Variants in PDLIM5 observed in about 807,000 individuals in gnomAD.
The protein encoded by PDLIM5 is PDZ and LIM domain 5.
PDLIM5 carries 34 observed loss-of-function variants against 64.2 expected under a neutral mutation model. The observed-to-expected ratio is 0.53, with a 90% confidence interval of 0.40 to 0.71. The LOEUF is 0.71. Ranked by LOEUF, PDLIM5 falls within the 30% of genes least tolerant of loss-of-function variation. PDLIM5 has a pLI of 0.00. For synonymous variants in PDLIM5, 253 were observed against 269.1 expected (o/e 0.94, Z 0.59); for missense variants, 683 against 733.6 (o/e 0.93, Z 0.80).
chr4:94,547,945 C>T (rs550062418), intron 3 of PDLIM5, among the ~76,000 whole-genome samples: 2 of 152,246 alleles, frequency 1.3e-5, no homozygotes, highest in South Asian at 2.1e-4. Context: ...CTGGTAAGTA[C>T]AGTCCTATTA....
intron 5 of PDLIM5, chr4:94,584,924 T>G (rs1736034665): frequency 1.9e-6 from 2 of 1,065,670 alleles, no homozygotes; most frequent in Admixed American, 4.3e-5. Context: ...CTTATCATTT[T>G]CCTTTCCTTT....
At chr4:94,596,945 A>C (rs959724182) in intron 7 of PDLIM5, among the ~76,000 whole-genome samples, 3 of 152,020 alleles carry the variant, frequency 2.0e-5, no homozygotes, top group Non-Finnish European at 2.9e-5. Flanking sequence ...TATTGTTTGA[A>C]TGCTACTCCT....
chr4:94,495,608 G>T (rs1165720328), intron 2 of PDLIM5, among the ~76,000 whole-genome samples: 1 of 152,074 alleles, frequency 6.6e-6, no homozygotes, highest in East Asian at 1.9e-4. Context: ...CTGCAGAAGT[G>T]ACTTCTGAGC....
At chr4:94,602,027 A>T (rs957906287) in intron 7 of PDLIM5, among the ~76,000 whole-genome samples, 6 of 152,156 alleles carry the variant, frequency 3.9e-5, no homozygotes, top group African/African-American at 1.4e-4. Context: ...TCTAGCTATG[A>T]CTCTGATATA....
chr4:94,513,908 G>A (rs1246942729), intron 2 of PDLIM5, among the ~76,000 whole-genome samples: 3 of 149,752 alleles, frequency 2.0e-5, no homozygotes, highest in Non-Finnish European at 4.4e-5. Flanking sequence ...TCTATTCCCA[G>A]TTTTTTGAGG....
At chr4:94,506,873 A>G (rs1253032795) in intron 2 of PDLIM5, among the ~76,000 whole-genome samples, 1 of 152,168 alleles carries the variant, frequency 6.6e-6, no homozygotes, top group East Asian at 1.9e-4. Context: ...GGCTGCCAGC[A>G]CCGCTAGAAC....
At chr4:94,499,439 A>C (rs1727703193) in intron 2 of PDLIM5, among the ~76,000 whole-genome samples, 1 of 152,214 alleles carries the variant, frequency 6.6e-6, no homozygotes, top group Non-Finnish European at 1.5e-5. Context: ...CTATATTTGC[A>C]GGTTCTGCAT....
chr4:94,583,199 T>C (rs1394919916), intron 5 of PDLIM5, among the ~76,000 whole-genome samples: 1 of 152,132 alleles, frequency 6.6e-6, no homozygotes, highest in Admixed American at 6.5e-5. Flanking sequence ...CAGAAAACAC[T>C]AAATGTTTAG....
chr4:94,596,924 C>T (rs1425696679), intron 7 of PDLIM5, among the ~76,000 whole-genome samples: 1 of 152,036 alleles, frequency 6.6e-6, no homozygotes, highest in East Asian at 1.9e-4. Context: ...ATTTTTGTAT[C>T]TATTAAAGGG....
At chr4:94,579,256 G>A (rs979176087) in intron 5 of PDLIM5, 1 of 241,076 alleles carries the variant, frequency 4.1e-6, no homozygotes, top group African/African-American at 2.2e-5. Flanking sequence ...AGAGCCAAAT[G>A]GGACTTTATA....
chr4:94,659,411 T>C (rs1315323574), intron 11 of PDLIM5, among the ~76,000 whole-genome samples: 1 of 152,010 alleles, frequency 6.6e-6, no homozygotes, highest in Non-Finnish European at 1.5e-5. Context: ...GACATTGTAA[T>C]TGGCACCTAA....
chr4:94,620,390 C>G (rs1000074216), intron 8 of PDLIM5, among the ~76,000 whole-genome samples: 3 of 152,016 alleles, frequency 2.0e-5, no homozygotes, highest in African/African-American at 7.2e-5. Flanking sequence ...AAAATATTAG[C>G]CAGACATGGT....
intron 7 of PDLIM5, among the ~76,000 whole-genome samples, chr4:94,592,304 T>C (rs1441067463): frequency 6.6e-6 from 1 of 152,218 alleles, no homozygotes; most frequent in Non-Finnish European, 1.5e-5. Flanking sequence ...TGATTTTGCA[T>C]GTTATAGTCT....
At chr4:94,550,940 A>G in intron 3 of PDLIM5, among the ~76,000 whole-genome samples, 1 of 152,160 alleles carries the variant, frequency 6.6e-6, no homozygotes, top group Non-Finnish European at 1.5e-5. Context: ...TACAGAAAGA[A>G]GTAAGAGAAT....
At chr4:94,591,993 C>T (rs572380863) in intron 7 of PDLIM5, among the ~76,000 whole-genome samples, 1 of 152,308 alleles carries the variant, frequency 6.6e-6, no homozygotes, top group East Asian at 1.9e-4. Context: ...ACCCAGATCA[C>T]AAACACAGCA....
chr4:94,494,108 C>T (rs1444083951), intron 2 of PDLIM5, among the ~76,000 whole-genome samples: 2 of 151,974 alleles, frequency 1.3e-5, no homozygotes, highest in Admixed American at 6.6e-5. Context: ...TATCAGCATG[C>T]ACCACCATGC....
chr4:94,543,213 T>TG (rs1050464125), intron 3 of PDLIM5, among the ~76,000 whole-genome samples: 3 of 152,196 alleles, frequency 2.0e-5, no homozygotes, highest in African/African-American at 7.2e-5. Context: ...CAAATCAAGG[T>TG]GCTGGCAGGA....
intron 7 of PDLIM5, among the ~76,000 whole-genome samples, chr4:94,615,197 C>A (rs1194348529): frequency 6.6e-6 from 1 of 152,092 alleles, no homozygotes; most frequent in East Asian, 1.9e-4. Flanking sequence ...TACCCACAGT[C>A]ACAGTAAAGT....
chr4:94,478,123 G>T (rs1331321405), intron 2 of PDLIM5, among the ~76,000 whole-genome samples: 3 of 151,870 alleles, frequency 2.0e-5, no homozygotes, highest in African/African-American at 7.3e-5. Flanking sequence ...GGGCATGGTG[G>T]CTGGCACCTG....
Sources: gnomAD v4.1 joint callset for allele counts (sites outside exome capture counted in the v4.1 genomes callset) on GRCh38, gnomAD v4.1.1 for gene constraint, MANE v1.5 for transcripts, NCBI Gene and HGNC (gene_info 2026-07-23, HGNC 2026-07-21) for gene names.